Variants in ATP8B3 observed in about 807,000 individuals in gnomAD.
ATP8B3 encodes ATPase phospholipid transporting 8B3.
Under a neutral mutation model 140.9 loss-of-function variants are expected in ATP8B3, and 141 were observed. The ratio of observed to expected loss-of-function variants is 1.00; its 90% CI spans 0.87 to 1.15. The LOEUF is 1.15. Ranked by LOEUF, ATP8B3 falls within the 50% of genes most tolerant of loss-of-function variation. ATP8B3 has a pLI of 0.00. For synonymous variants in ATP8B3, 765 were observed against 714.6 expected (o/e 1.07, Z -1.13); for missense variants, 1,874 against 1,740.6 (o/e 1.08, Z -1.36).
chr19:1,785,108 G>T, intron 27 of ATP8B3, 51 bp downstream of exon 27: 1 of 1,492,564 alleles, frequency 6.7e-7, no homozygotes. Flanking sequence ...CTCTTCCATC[G>T]GGGCTCCCCT....
At chr19:1,803,996 C>G (rs900186370) in intron 10 of ATP8B3, among the ~76,000 whole-genome samples, 9 of 151,984 alleles carry the variant, frequency 5.9e-5, no homozygotes, top group African/African-American at 1.7e-4. Context: ...AGGGCTAAGC[C>G]TTTCCCCAGA....
intron 18 of ATP8B3, among the ~76,000 whole-genome samples, chr19:1,793,127 G>A (rs1420759992): frequency 4.9e-5 from 7 of 142,938 alleles, no homozygotes; most frequent in Non-Finnish European, 3.1e-5. Context: ...GTCTCACTTT[G>A]TCACCCAGGC....
At chr19:1,790,666 G>C (rs1600409612) in intron 21 of ATP8B3, 91 bp downstream of exon 21, 1 of 697,594 alleles carries the variant, frequency 1.4e-6, no homozygotes, top group Admixed American at 4.8e-5. Context: ...ACTGTGCCTT[G>C]GGCTCCCCGT....
rs755497543 is a variant in ATP8B3, at chr19:1,796,987, G to C, written c.1571C>G (p.Thr524Arg). 2.5e-6 allele frequency: 4 copies of C among 1,613,034 alleles called. No homozygotes were observed. Among genetic ancestry groups the C allele is most frequent in the East Asian group, 2.2e-5 (1 of 44,882 alleles). ...AGGCAGGCTCACCTTAGGTCGGGTC[G>C]TGGCCTCTGAATCCGGCCCTGGGGA... Reference protein sequence around the residue: ...GRVYGPDSEATTRPKENPYLW... With the variant: ...GRVYGPDSEARTRPKENPYLW... Residue 524 changes from threonine (T) to arginine (R), a missense_variant, in exon 15 of 29, where the codon ACG (threonine) becomes AGG (arginine). Thr to Arg is a moderately conservative substitution (Grantham distance 71). Coordinates refer to ENST00000310127, the MANE Select transcript of ATP8B3 (RefSeq NM_138813.4).
intron 3 of ATP8B3, 128 bp downstream of exon 3, chr19:1,810,494 C>T (rs1022752051): frequency 3.4e-6 from 3 of 874,110 alleles, no homozygotes; most frequent in Admixed American, 3.0e-5. Flanking sequence ...GAACCCCTGA[C>T]CTCAAGTGAT....
At chr19:1,801,525 C>A (rs559814429) in intron 12 of ATP8B3, among the ~76,000 whole-genome samples, 5 of 152,186 alleles carry the variant, frequency 3.3e-5, no homozygotes, top group African/African-American at 1.2e-4. Context: ...CTGAGGAGGG[C>A]GGATTGCTTG....
Position 1,798,465 on chromosome 19 carries a change from G to A in ATP8B3, c.1553-1460C>T, listed in dbSNP as rs148330104. On this transcript the variant is annotated intron_variant, in intron 14 of 28. Transcript: ENST00000310127. ...TACTAATACTGTTTTGTGGCCGGGC[G>A]CGGTGGCTCACGCCTGTAATCCCAG... Among the ~76,000 whole-genome samples, 942 of 152,204 alleles carry A rather than the reference G, an allele frequency of 6.2e-3. 19 individuals are homozygous for A. The highest frequency in any genetic ancestry group is 0.021 in the African/African-American group (884 of 41,460).
intron 2 of ATP8B3, among the ~76,000 whole-genome samples, chr19:1,810,982 G>A (rs994058586): frequency 6.6e-6 from 1 of 152,016 alleles, no homozygotes; most frequent in Non-Finnish European, 1.5e-5. Context: ...GGACTCTACC[G>A]CCAGCCATGC....
chr19:1,787,728 TAAAAAAAAAAAAAAAAA>T (rs561418063), intron 24 of ATP8B3, among the ~76,000 whole-genome samples: 5,050 of 119,686 alleles, frequency 0.042, 187 homozygotes, highest in Middle Eastern at 0.11. Flanking sequence ...AAACTCTGTC[TAAAAAAAAAAAAAAAAA>T]AAAAAAAAAA....
Position 1,794,413 on chromosome 19 carries a change from G to A in ATP8B3, c.2055+1462C>T, listed in dbSNP as rs1195867442. Among the ~76,000 whole-genome samples the A allele has an allele frequency of 2.0e-5, 3 of 152,258 alleles. No homozygotes were observed. Among genetic ancestry groups the A allele is most frequent in the East Asian group, 3.9e-4 (2 of 5,166 alleles). On this transcript the variant is annotated intron_variant, in intron 18 of 28. Coordinates refer to ENST00000310127, the MANE Select transcript of ATP8B3 (RefSeq NM_138813.4). This position sits in a 1 kb window ranked among gnomAD's most constrained non-coding sequence, Gnocchi z 4.8. ...CCAGTTCAGAGTGCCCCCACATCCT[G>A]GCAGAGCAGGGGACACAGGACATCT...
At chr19:1,791,384 G>A (rs1042071128) in intron 20 of ATP8B3, among the ~76,000 whole-genome samples, 3 of 130,282 alleles carry the variant, frequency 2.3e-5, no homozygotes, top group African/African-American at 8.6e-5. Flanking sequence ...TCTGAGAGTT[G>A]CAGCATTTTT....
In ATP8B3 at chr19:1,796,978, G is replaced by C. The variant is rs1304387067; in HGVS notation, c.1580C>G (p.Pro527Arg). The C allele has an allele frequency of 6.2e-7, 1 of 1,612,996 alleles. No individual in the cohort carries two copies. Among genetic ancestry groups the C allele is most frequent in the Admixed American group, 1.7e-5 (1 of 60,020 alleles). ...YGPDSEATTR[P>R]KENPYLWNKF... ...CTGCAAGCCAGGCAGGCTCACCTTA[G>C]GTCGGGTCGTGGCCTCTGAATCCGG... Residue 527 changes from proline (P) to arginine (R), a missense_variant, in exon 15 of 29, where the codon CCT (proline) becomes CGT (arginine). Coordinates refer to ENST00000310127, the MANE Select transcript of ATP8B3 (RefSeq NM_138813.4).
rs2068889924 is a variant in ATP8B3, at chr19:1,802,589, C to T, written c.961G>A (p.Glu321Lys). 2 of 1,611,756 alleles carry T rather than the reference C, an allele frequency of 1.2e-6. No individual in the cohort carries two copies. Among genetic ancestry groups the T allele is most frequent in the African/African-American group, 1.3e-5 (1 of 74,678 alleles). Residue 321 changes from glutamate (E) to lysine (K), a missense_variant, in exon 11 of 29, where the codon GAA becomes AAA. Glu to Lys is a moderately conservative substitution (Grantham distance 56, BLOSUM62 1). Around this residue, in one of 3 missense-constraint regions of ATP8B3, gnomAD observed 1,032 missense variants for 963.6 expected, o/e 1.07. Coordinates refer to ENST00000310127, the MANE Select transcript of ATP8B3 (RefSeq NM_138813.4). ...SRMHHFVGCL[E>K]WNDKKYSLDI... ...AGGGAGTATTTCTTGTCATTCCATT[C>T]CAGGCACCCCACGAAGTGGTGCATC...
chr19:1,802,675 G>C, intron 10 of ATP8B3, 30 bp from the exon 11 acceptor site: 2 of 1,593,974 alleles, frequency 1.3e-6, no homozygotes, highest in Non-Finnish European at 1.7e-6. Context: ...CAGTGGGTCA[G>C]TGGGCTCAGG....
rs1472564810 is a variant in ATP8B3 at position 1,800,225 on chromosome 19, G to A, written c.1343+34C>T. On this transcript the variant is annotated intron_variant, in intron 13 of 28. Coordinates refer to ENST00000310127, the MANE Select transcript of ATP8B3 (RefSeq NM_138813.4). This position sits in a 1 kb window ranked among gnomAD's most constrained non-coding sequence, Gnocchi z 4.4. ...CCATCCCCATGCCTCCCCGTTCCGCGTTTGCACCGGGGACGCAGCCGGCGG... is the reference window on the plus strand; with the variant it reads ...CCATCCCCATGCCTCCCCGTTCCGCATTTGCACCGGGGACGCAGCCGGCGG... The A allele has an allele frequency of 3.7e-6, 6 of 1,605,172 alleles. No individual in the cohort carries two copies. The highest frequency in any genetic ancestry group is 1.3e-5 in the African/African-American group (1 of 74,774).
rs193029078 is a variant in ATP8B3 at position 1,786,294 on chromosome 19, G to C, written c.3154-586C>G. On this transcript the variant is annotated intron_variant, in intron 25 of 28. Transcript: ENST00000310127. ...TAAAGATACCAGCAAGGCCAGGTGC[G>C]GTGGCTCACGCCTGTAATCCCAGCA... 2.1e-3 allele frequency among the ~76,000 whole-genome samples: 315 copies of C among 152,170 alleles called. 1 individual carries two copies. The highest frequency in any genetic ancestry group is 7.2e-3 in the African/African-American group (297 of 41,512).
At position 1,807,963 on chromosome 19, in the gene ATP8B3, C is replaced by T. The variant is rs1182818723; in HGVS notation, c.516+259G>A. Among the ~76,000 whole-genome samples, 1 of 152,208 alleles carries T rather than the reference C, an allele frequency of 6.6e-6. No individual in the cohort carries two copies. The highest frequency in any genetic ancestry group is 2.4e-5 in the African/African-American group (1 of 41,460). ...GGGGAACAGCTATGCCTCCCGATGC[C>T]CAGCCCTGCCCAGCAGGAACCAGCG... On this transcript the variant is annotated intron_variant, in intron 5 of 28. Transcript: ENST00000310127. The surrounding 1 kb of genome is among the most constrained non-coding windows in gnomAD (Gnocchi z 5.9).
chr19:1,803,867 G>T (rs1262227944), intron 10 of ATP8B3, among the ~76,000 whole-genome samples: 1 of 138,260 alleles, frequency 7.2e-6, no homozygotes, highest in Non-Finnish European at 1.5e-5. Context: ...CTGCACTCCA[G>T]CCTGGGCAAC....
Position 1,806,086 on chromosome 19 carries a change from C to T in ATP8B3, c.750+11G>A, listed in dbSNP as rs1209980973. The T allele has an allele frequency of 3.1e-6, 5 of 1,600,950 alleles. No homozygotes were observed. In the Admixed American group the frequency reaches 5.2e-5, roughly 17 times the overall value. ...CGTGGTTCTGGGACCTCGGGGTCAACCCCAGCTCACTGGGACGATGTTGTC... is the reference window on the plus strand; with the variant it reads ...CGTGGTTCTGGGACCTCGGGGTCAATCCCAGCTCACTGGGACGATGTTGTC... On this transcript the variant is annotated intron_variant, in intron 8 of 28. Transcript: ENST00000310127. This position sits in a 1 kb window ranked among gnomAD's most constrained non-coding sequence, Gnocchi z 5.6.
Sources: gnomAD v4.1 joint callset for allele counts (sites outside exome capture counted in the v4.1 genomes callset) on GRCh38, gnomAD v4.1.1 for gene constraint, gnomAD v4.1.1 regional missense constraint, Gnocchi (gnomAD v3.1) non-coding constraint, MANE v1.5 for transcripts, NCBI Gene and HGNC (gene_info 2026-07-23, HGNC 2026-07-21) for gene names.